Variants in NEB observed in about 807,000 individuals in gnomAD.
The protein encoded by NEB is nebulin, also known as nemaline myopathy type 2.
Under a neutral mutation model 952.2 loss-of-function variants are expected in NEB, and 512 were observed. The ratio of observed to expected loss-of-function variants is 0.54; its 90% confidence interval spans 0.50 to 0.58. The LOEUF is 0.58. NEB is among the 20% of genes least tolerant of loss of function. NEB has a pLI of 0.00. For synonymous variants in NEB, 2,900 were observed against 3,149.8 expected (o/e 0.92, Z 2.66); for missense variants, 8,428 against 9,231.1 (o/e 0.91, Z 3.56).
chr2:151,532,780 T>C (rs1279966537), intron 143 of NEB, among the ~76,000 whole-genome samples: 1 of 152,084 alleles, frequency 6.6e-6, no homozygotes. Flanking sequence ...ATGGTATTAT[T>C]ACTAACATTG....
chr2:151,688,470 G>A, intron 24 of NEB, 74 bp from the exon 25 acceptor site: 2 of 1,122,774 alleles, frequency 1.8e-6, no homozygotes, highest in Non-Finnish European at 2.7e-6. Flanking sequence ...ATATAGCTAA[G>A]GCATTAGTGC....
At position 151,506,226 on chromosome 2, in the gene NEB, C is replaced by T. The variant is rs762846826; in HGVS notation, c.23589G>A (p.Thr7863=). The T allele has an allele frequency of 1.1e-5, 18 of 1,613,480 alleles. No individual in the cohort carries two copies. Among genetic ancestry groups the T allele is most frequent in the South Asian group, 3.3e-5 (3 of 91,066 alleles). The part of the protein sequence containing the change: ...VLYKEDVSPG[T]AIGKTPEMMR... ...TCATCTCAGGTGTCTTTCCGATAGC[C>T]GTTCCTGGTGAGACATCCTCTTTAT... Residue 7863 remains threonine (T), a synonymous_variant, in exon 164 of 182, where the codon ACG becomes ACA. Coordinates refer to ENST00000397345, the MANE Select transcript of NEB (RefSeq NM_001164508.2).
intron 34 of NEB, among the ~76,000 whole-genome samples, chr2:151,676,634 C>A (rs1468739709): frequency 6.6e-6 from 1 of 152,018 alleles, no homozygotes; most frequent in African/African-American, 2.4e-5. Context: ...TTGTTCATTC[C>A]TTTTCTACTG....
chr2:151,485,972 G>A, intron 181 of NEB, 39 bp from the exon 182 acceptor site: 1 of 1,596,260 alleles, frequency 6.3e-7, no homozygotes, highest in South Asian at 1.1e-5. Flanking sequence ...ATTATATGTT[G>A]GATTTGCAAC....
intron 161 of NEB, among the ~76,000 whole-genome samples, chr2:151,510,030 C>A (rs909796338): frequency 2.6e-5 from 4 of 152,210 alleles, no homozygotes; most frequent in Non-Finnish European, 4.4e-5. Flanking sequence ...TGTAAGTGTT[C>A]ATTCATCTAA....
intron 161 of NEB, among the ~76,000 whole-genome samples, chr2:151,509,979 C>T (rs1031513398): frequency 3.3e-5 from 5 of 152,186 alleles, no homozygotes; most frequent in South Asian, 2.1e-4. Context: ...CTCAAAATTA[C>T]AAAGTTTTTC....
intron 165 of NEB, 141 bp from the exon 166 acceptor site, chr2:151,503,582 T>C: frequency 1.8e-6 from 1 of 559,646 alleles, no homozygotes; most frequent in Non-Finnish European, 3.1e-6. Flanking sequence ...GGGGGGAAAA[T>C]TCCATGAATA....
intron 28 of NEB, among the ~76,000 whole-genome samples, chr2:151,683,096 G>A (rs1051668480): frequency 1.2e-4 from 19 of 152,224 alleles, no homozygotes; most frequent in South Asian, 4.1e-4. Flanking sequence ...AATGTGAGAC[G>A]TTTGTTCCCT....
At chr2:151,622,235 G>GCCTCATTA (rs1386047123) in intron 71 of NEB, among the ~76,000 whole-genome samples, 2 of 152,232 alleles carry the variant, frequency 1.3e-5, no homozygotes, top group Admixed American at 1.3e-4. Context: ...GATCCCTCCT[G>GCCTCATTA]CCTCAGCCTC....
rs373823362 is a variant in NEB, at chr2:151,625,609, G to A, written c.10377C>T (p.Asp3459=). Residue 3459 remains aspartate, a synonymous_variant, in exon 71 of 182, where the codon GAC becomes GAT. Transcript: ENST00000397345. ...KRLYTEAWDK[D]KTQVHIMPDT... is the part of the protein sequence containing the mutation. ...CAGGCATAATATGGACTTGGGTCTT[G>A]TCTTTGTCCCAGGCTTCTGTGTATA... 29 of 1,605,864 alleles carry A rather than the reference G, an allele frequency of 1.8e-5. No individual in the cohort carries two copies. In the African/African-American group the frequency reaches 3.7e-4, roughly 21 times the overall value.
intron 13 of NEB, among the ~76,000 whole-genome samples, chr2:151,705,363 T>C (rs1559466637): frequency 6.6e-6 from 1 of 152,260 alleles, no homozygotes; most frequent in Non-Finnish European, 1.5e-5. Context: ...AATATTTTTA[T>C]ATTCCTGTCT....
At chr2:151,706,183 A>G (rs2099705525) in intron 13 of NEB, among the ~76,000 whole-genome samples, 2 of 152,202 alleles carry the variant, frequency 1.3e-5, no homozygotes, top group South Asian at 4.1e-4. Flanking sequence ...CTGCTCCCCA[A>G]CCACACACAC....
At chr2:151,632,861 C>G (rs2098697212) in intron 65 of NEB, among the ~76,000 whole-genome samples, 1 of 152,112 alleles carries the variant, frequency 6.6e-6, no homozygotes, top group Non-Finnish European at 1.5e-5. Flanking sequence ...GTATGGGTGA[C>G]ATCAACCCTT....
At chr2:151,512,653 C>A in intron 161 of NEB, 80 bp downstream of exon 161, 1 of 1,023,336 alleles carries the variant, frequency 9.8e-7, no homozygotes. Context: ...TGAAGAATCT[C>A]TTAAGGTATT....
intron 154 of NEB, 74 bp downstream of exon 154, chr2:151,519,584 T>G: frequency 2.8e-6 from 3 of 1,082,586 alleles, no homozygotes; most frequent in Non-Finnish European, 4.2e-6. Flanking sequence ...TAAATGCTAC[T>G]GAATTGCACA....
chr2:151,725,618 TACTC>T, intron 5 of NEB, 58 bp from the exon 6 acceptor site: 6 of 1,318,146 alleles, frequency 4.6e-6, no homozygotes, highest in East Asian at 2.3e-5. Flanking sequence ...TCAGGCAACA[TACTC>T]ACCCCATTTG....
At chr2:151,677,800 G>A (rs763935793) in intron 33 of NEB, 29 bp from the exon 34 acceptor site, 1 of 1,612,798 alleles carries the variant, frequency 6.2e-7, no homozygotes, top group Non-Finnish European at 8.5e-7. Context: ...GAGGAGTGAG[G>A]GCCTAGGACA....
intron 39 of NEB, among the ~76,000 whole-genome samples, chr2:151,668,113 T>C (rs898815091): frequency 2.0e-5 from 3 of 152,206 alleles, no homozygotes; most frequent in Non-Finnish European, 4.4e-5. Flanking sequence ...CACAGTATAA[T>C]CTCAACTGAT....
Position 151,696,637 on chromosome 2 carries a change from G to A in NEB, c.1569C>T (p.Asp523=), listed in dbSNP as rs200758495. 171 of 1,609,996 alleles carry A rather than the reference G, an allele frequency of 1.1e-4. No homozygotes were observed. Among genetic ancestry groups the A allele is most frequent in the East Asian group, 7.6e-4 (34 of 44,846 alleles). The part of the protein sequence containing the change: ...QAQVNSKQLS[D]LNYKAKHESE... ...GTCCTGAGTAGTTAGAGGAACTTACGTCACTCAGTTGTTTGGAATTGACTT... is the reference window on the plus strand; with the variant it reads ...GTCCTGAGTAGTTAGAGGAACTTACATCACTCAGTTGTTTGGAATTGACTT... The change falls in exon 17 of 182, where the codon GAC becomes GAT. Residue 523 remains aspartate, a splice_region_variant and synonymous_variant. Transcript: ENST00000397345.
Sources: gnomAD v4.1 joint callset for allele counts (sites outside exome capture counted in the v4.1 genomes callset) on GRCh38, gnomAD v4.1.1 for gene constraint, MANE v1.5 for transcripts, NCBI Gene and HGNC (gene_info 2026-07-23, HGNC 2026-07-21) for gene names.